Variants in ZNF804B observed in about 807,000 individuals in gnomAD.
The protein encoded by ZNF804B is zinc finger protein 804B.
ZNF804B carries 80 observed loss-of-function variants against 101.4 expected under a neutral mutation model. The ratio of observed to expected loss-of-function variants is 0.79; its 90% CI spans 0.66 to 0.95. The LOEUF (loss-of-function observed/expected upper bound fraction) is 0.95, where lower values mean the gene tolerates loss of function less well. ZNF804B is among the 40% of genes least tolerant of loss of function. The probability of loss-of-function intolerance (pLI) is 0.00; values close to 1 mark genes in which losing one functional copy is unlikely to be tolerated. For synonymous variants in ZNF804B, 622 were observed against 558.8 expected (o/e 1.11, Z -1.59); for missense variants, 1,673 against 1,561.9 (o/e 1.07, Z -1.20).
chr7:89,200,637 A>G (rs1257345729), intron 1 of ZNF804B, among the ~76,000 whole-genome samples: 1 of 152,038 alleles, frequency 6.6e-6, no homozygotes, highest in Non-Finnish European at 1.5e-5. Flanking sequence ...AATCATGAAC[A>G]ATCTTAGAAG....
In ZNF804B at chr7:89,015,606, G is replaced by A. The variant is rs1409555671; in HGVS notation, c.109-202549G>A. Among the ~76,000 whole-genome samples the A allele has an allele frequency of 3.3e-5, 5 of 151,676 alleles. 1 individual carries two copies. Among genetic ancestry groups the A allele is most frequent in the South Asian group, 2.1e-4 (1 of 4,798 alleles). On this transcript the variant is annotated intron_variant, in intron 1 of 3. Coordinates refer to ENST00000333190, the MANE Select transcript of ZNF804B (RefSeq NM_181646.5). The stretch of plus-strand genomic sequence containing the variant: ...GCAGTGTTTGGTTTTTTGTCCTTGC[G>A]ATAGTTTACTGAGAATGATGATTTC...
At chr7:89,087,093 A>G (rs1036450282) in intron 1 of ZNF804B, among the ~76,000 whole-genome samples, 1 of 151,644 alleles carries the variant, frequency 6.6e-6, no homozygotes, top group African/African-American at 2.4e-5. Context: ...CAATTTTCGA[A>G]GGACTCAGTG....
At chr7:89,211,121 A>T (rs1788795591) in intron 1 of ZNF804B, among the ~76,000 whole-genome samples, 1 of 152,080 alleles carries the variant, frequency 6.6e-6, no homozygotes, top group African/African-American at 2.4e-5. Context: ...TCATATGTTT[A>T]TTGGCCACAT....
intron 1 of ZNF804B, among the ~76,000 whole-genome samples, chr7:88,779,026 C>G (rs1790186435): frequency 6.6e-6 from 1 of 152,146 alleles, no homozygotes; most frequent in South Asian, 2.1e-4. Context: ...TAAAAGTAAT[C>G]AAAGTAAGTA....
intron 1 of ZNF804B, among the ~76,000 whole-genome samples, chr7:89,200,147 G>A (rs2115646947): frequency 6.6e-6 from 1 of 151,866 alleles, no homozygotes; most frequent in Admixed American, 6.6e-5. Flanking sequence ...AGATCATTGA[G>A]TTTGCATATG....
chr7:89,089,552 A>T (rs1026326756), intron 1 of ZNF804B, among the ~76,000 whole-genome samples: 2 of 152,008 alleles, frequency 1.3e-5, no homozygotes, highest in Non-Finnish European at 2.9e-5. Context: ...GTAGAGAAAA[A>T]AAATTTTTTT....
chr7:89,114,209 T>G (rs1790274195), intron 1 of ZNF804B, among the ~76,000 whole-genome samples: 1 of 152,238 alleles, frequency 6.6e-6, no homozygotes. Flanking sequence ...TAATAAATGT[T>G]AATCAAAATA....
At chr7:88,861,302 T>C (rs1791640721) in intron 1 of ZNF804B, among the ~76,000 whole-genome samples, 1 of 152,122 alleles carries the variant, frequency 6.6e-6, no homozygotes, top group Non-Finnish European at 1.5e-5. Flanking sequence ...TCCCTTAACA[T>C]TTCCATGGAA....
intron 1 of ZNF804B, chr7:88,794,625 A>G (rs764751270): frequency 1.1e-5 from 18 of 1,613,642 alleles, no homozygotes; most frequent in Non-Finnish European, 1.5e-5. Context: ...CTTTGTAGAG[A>G]GTGTCGCTGG....
At chr7:89,026,745 T>C (rs1029647797) in intron 1 of ZNF804B, among the ~76,000 whole-genome samples, 7 of 152,236 alleles carry the variant, frequency 4.6e-5, no homozygotes, top group Admixed American at 4.6e-4. Context: ...CACATACTAG[T>C]AGAGCAAACC....
At chr7:88,811,782 T>C (rs1383516707) in intron 1 of ZNF804B, among the ~76,000 whole-genome samples, 1 of 151,976 alleles carries the variant, frequency 6.6e-6, no homozygotes, top group South Asian at 2.1e-4. Flanking sequence ...TGAGAACATA[T>C]AGACATAGGA....
At chr7:89,153,665 G>A (rs1368311480) in intron 1 of ZNF804B, among the ~76,000 whole-genome samples, 1 of 151,992 alleles carries the variant, frequency 6.6e-6, no homozygotes, top group East Asian at 1.9e-4. Flanking sequence ...TCAGACCTAG[G>A]ACCAGTTCTG....
At chr7:88,795,827 G>T (rs1790473486) in intron 1 of ZNF804B, 2 of 152,050 alleles carry the variant, frequency 1.3e-5, no homozygotes, top group Non-Finnish European at 2.9e-5. Context: ...TCTTAATACG[G>T]GTATCTCGAC....
At chr7:89,312,443 C>T (rs978619554) in intron 2 of ZNF804B, among the ~76,000 whole-genome samples, 3 of 152,210 alleles carry the variant, frequency 2.0e-5, no homozygotes. Flanking sequence ...TAACTCAACA[C>T]TTCCAAGGAA....
At chr7:89,117,470 A>G (rs1790328508) in intron 1 of ZNF804B, among the ~76,000 whole-genome samples, 1 of 152,314 alleles carries the variant, frequency 6.6e-6, no homozygotes, top group South Asian at 2.1e-4. Flanking sequence ...CTGTGTTGCT[A>G]TGCTTACTTA....
chr7:89,011,044 A>G (rs1788452916), intron 1 of ZNF804B, among the ~76,000 whole-genome samples: 1 of 152,166 alleles, frequency 6.6e-6, no homozygotes, highest in South Asian at 2.1e-4. Context: ...GATTCAATTG[A>G]CTCAGAGTTC....
intron 1 of ZNF804B, among the ~76,000 whole-genome samples, chr7:88,924,911 TTTG>T (rs1383404735): frequency 2.6e-5 from 4 of 152,302 alleles, no homozygotes; most frequent in Non-Finnish European, 4.4e-5. Flanking sequence ...GAATAAATAA[TTTG>T]TTTTTTGTTT....
chr7:89,175,135 C>CTTGTGGGGTATTAT (rs1039632231), intron 1 of ZNF804B, among the ~76,000 whole-genome samples: 10 of 54,530 alleles, frequency 1.8e-4, no homozygotes, highest in African/African-American at 4.3e-4. Flanking sequence ...GTTGCCTGTG[C>CTTGTGGGGTATTAT]TCAATAAATC....
chr7:88,850,265 G>A (rs992301558), intron 1 of ZNF804B, among the ~76,000 whole-genome samples: 2 of 152,064 alleles, frequency 1.3e-5, no homozygotes, highest in African/African-American at 4.8e-5. Flanking sequence ...ATGGGGAGAG[G>A]GAACCCAGGT....
Sources: allele counts gnomAD v4.1 joint callset (sites outside exome capture counted in the v4.1 genomes callset), GRCh38; gene constraint gnomAD v4.1.1; transcripts MANE v1.5; gene names NCBI Gene and HGNC (gene_info 2026-07-23, HGNC 2026-07-21).